Variants in GIGYF2 observed in about 807,000 individuals in gnomAD.
The protein encoded by GIGYF2 is GRB10-interacting GYF protein 2.
In GIGYF2, 25 loss-of-function variants were observed where a neutral mutation model predicts 208.1. The observed-to-expected ratio is 0.12, with a 90% CI of 0.09 to 0.17. The LOEUF (loss-of-function observed/expected upper bound fraction) is 0.17. GIGYF2 is among the 10% of genes least tolerant of loss of function. The pLI, the probability that GIGYF2 is intolerant of heterozygous loss-of-function variation, is 1.00. For synonymous variants in GIGYF2, 534 were observed against 543.8 expected (o/e 0.98, Z 0.25); for missense variants, 1,302 against 1,579.4 (o/e 0.82, Z 2.98).
intron 26 of GIGYF2, among the ~76,000 whole-genome samples, chr2:232,846,830 C>T (rs965827772): frequency 3.9e-5 from 6 of 152,224 alleles, no homozygotes; most frequent in Non-Finnish European, 7.3e-5. Context: ...CAAGGTCACA[C>T]AGCCAGCAAA....
rs780740938 is a variant in GIGYF2, at chr2:232,791,403, G to C, written c.1239G>C (p.Arg413=). 2 of 1,614,028 alleles carry C rather than the reference G, an allele frequency of 1.2e-6. No individual in the cohort carries two copies. The highest frequency in any genetic ancestry group is 2.2e-5 in the South Asian group (2 of 91,078). Residue 413 remains arginine (R), a synonymous_variant, in exon 12 of 29, where the codon CGG becomes CGC. Coordinates refer to ENST00000373563, the MANE Select transcript of GIGYF2 (RefSeq NM_001103146.3). The part of the protein sequence containing the change: ...EQTEKAEEET[R]MENSLPAKVP... ...CGGAAAAAGCTGAAGAGGAGACTCG[G>C]ATGGAAAATAGTCTACCAGCCAAAG...
intron 23 of GIGYF2, among the ~76,000 whole-genome samples, chr2:232,843,619 A>G (rs184882385): frequency 3.0e-4 from 45 of 151,674 alleles, no homozygotes; most frequent in East Asian, 1.4e-3. Context: ...CATGCCTGTA[A>G]TCCCAGCACT....
chr2:232,732,994 C>T (rs987634894), intron 2 of GIGYF2, among the ~76,000 whole-genome samples: 7 of 151,794 alleles, frequency 4.6e-5, no homozygotes, highest in South Asian at 4.2e-4. Flanking sequence ...CAGTGGCTCA[C>T]GCCTGTAATC....
chr2:232,799,965 T>A lies in GIGYF2; in HGVS notation c.1639+3744T>A, dbSNP rs567114078. 5.6e-3 allele frequency among the ~76,000 whole-genome samples: 855 copies of A among 152,176 alleles called. 12 individuals carry two copies. The highest frequency in any genetic ancestry group is 0.02 in the African/African-American group (832 of 41,518). On this transcript the variant is annotated intron_variant, in intron 14 of 28. Coordinates refer to ENST00000373563, the MANE Select transcript of GIGYF2 (RefSeq NM_001103146.3). ...TTCAAGTCCTTTGCCTTTTTTTTTT[T>A]AATTGGGTTGTTAATTTTTTTGTTG...
In GIGYF2 at chr2:232,856,814, C is replaced by G; in HGVS notation, c.3854C>G (p.Ser1285Trp). Residue 1285 changes from serine to tryptophan, a missense_variant, in exon 29 of 29, where the codon TCG becomes TGG. Ser to Trp is a radical substitution (Grantham distance 177, BLOSUM62 -3). Transcript: ENST00000373563. ...SLLGFSVNAS[S>W]ERLNMGEIET... is the part of the protein sequence containing the mutation. ...GCAGGATTTTCAGTCAATGCATCATCGGAGCGACTCAACATGGGTGAAATC... is the reference window on the plus strand; with the variant it reads ...GCAGGATTTTCAGTCAATGCATCATGGGAGCGACTCAACATGGGTGAAATC... 6.2e-7 allele frequency: 1 copy of G among 1,613,232 alleles called. No individual in the cohort carries two copies. The highest frequency in any genetic ancestry group is 8.5e-7 in the Non-Finnish European group (1 of 1,179,166).
rs1253531260 is a variant in GIGYF2, at chr2:232,790,678, T to C, written c.713-20T>C. The C allele has an allele frequency of 1.9e-6, 3 of 1,587,476 alleles. No homozygotes were observed. Among genetic ancestry groups the C allele is most frequent in the Non-Finnish European group, 2.6e-6 (3 of 1,155,774 alleles). On this transcript the variant is annotated intron_variant, in intron 9 of 28. Transcript: ENST00000373563. ...TGTCATAAAACTTTTCTAAGGTTTG[T>C]GTCCTCCTTCTCATCTCAGATGGCC...
intron 2 of GIGYF2, among the ~76,000 whole-genome samples, chr2:232,719,739 A>G (rs537695064): frequency 1.3e-5 from 2 of 152,346 alleles, no homozygotes; most frequent in East Asian, 1.9e-4. Flanking sequence ...GAAGTTGACA[A>G]AAAGTCTAGC....
chr2:232,751,238 T>C (rs974471257), intron 5 of GIGYF2, among the ~76,000 whole-genome samples: 3 of 152,218 alleles, frequency 2.0e-5, no homozygotes, highest in African/African-American at 7.2e-5. Flanking sequence ...TCTTTGAGAC[T>C]GAGTCTTGCT....
intron 14 of GIGYF2, among the ~76,000 whole-genome samples, chr2:232,803,110 C>T (rs543670600): frequency 2.3e-4 from 35 of 152,278 alleles, no homozygotes; most frequent in African/African-American, 6.0e-4. Context: ...AGGCTGGTCT[C>T]GAACTCCTGA....
chr2:232,823,675 T>C (rs780024316), intron 21 of GIGYF2, among the ~76,000 whole-genome samples: 38 of 152,158 alleles, frequency 2.5e-4, no homozygotes, highest in Non-Finnish European at 4.1e-4. Flanking sequence ...CTTGTAATGC[T>C]TTTGTCCCCT....
chr2:232,729,403 G>C (rs1697349895), intron 2 of GIGYF2: 1 of 458,174 alleles, frequency 2.2e-6, no homozygotes, highest in Non-Finnish European at 3.6e-6. Flanking sequence ...GCAGAACACT[G>C]TTCTGAGTAA....
At chr2:232,846,238 C>G (rs1043005459) in intron 26 of GIGYF2, among the ~76,000 whole-genome samples, 1 of 152,294 alleles carries the variant, frequency 6.6e-6, no homozygotes, top group African/African-American at 2.4e-5. Context: ...AAAGGTCAAC[C>G]TGGACAAGTG....
At chr2:232,815,319 G>A (rs1014147052) in intron 18 of GIGYF2, among the ~76,000 whole-genome samples, 1 of 152,084 alleles carries the variant, frequency 6.6e-6, no homozygotes, top group South Asian at 2.1e-4. Context: ...TGTGCCCTTG[G>A]GAGTGTTAGA....
chr2:232,797,116 G>C (rs571978507), intron 14 of GIGYF2, among the ~76,000 whole-genome samples: 36 of 151,130 alleles, frequency 2.4e-4, no homozygotes, highest in African/African-American at 8.8e-4. Context: ...AAAAATGGTA[G>C]AGAACTACTA....
At chr2:232,847,968 G>T (rs1046275245) in intron 27 of GIGYF2, among the ~76,000 whole-genome samples, 1 of 152,186 alleles carries the variant, frequency 6.6e-6, no homozygotes, top group Non-Finnish European at 1.5e-5. Context: ...TCATGTTGTT[G>T]TTGGGGATGT....
At chr2:232,782,485 T>C (rs1574878102) in intron 8 of GIGYF2, among the ~76,000 whole-genome samples, 2 of 152,174 alleles carry the variant, frequency 1.3e-5, no homozygotes, top group African/African-American at 4.8e-5. Flanking sequence ...TTACCAAAAC[T>C]CATGTCCAAG....
intron 6 of GIGYF2, among the ~76,000 whole-genome samples, chr2:232,758,536 C>G (rs1312202233): frequency 6.6e-6 from 1 of 152,132 alleles, no homozygotes; most frequent in East Asian, 1.9e-4. Context: ...CTTCCTTATT[C>G]ATGTATGGGA....
chr2:232,781,287 T>TACACACACACAC (rs3062047), intron 8 of GIGYF2, among the ~76,000 whole-genome samples: 5,779 of 127,002 alleles, frequency 0.046, 156 homozygotes, highest in East Asian at 0.058. Context: ...ATATCAGGAA[T>TACACACACACAC]ACACACACAC....
At chr2:232,841,216 A>G (rs1305493409) in intron 23 of GIGYF2, among the ~76,000 whole-genome samples, 1 of 152,210 alleles carries the variant, frequency 6.6e-6, no homozygotes, top group Non-Finnish European at 1.5e-5. Context: ...ATGAGAAGAT[A>G]ATAATAGTGG....
Sources: allele counts gnomAD v4.1 joint callset (sites outside exome capture counted in the v4.1 genomes callset), GRCh38; gene constraint gnomAD v4.1.1; transcripts MANE v1.5; gene names NCBI Gene and HGNC (gene_info 2026-07-23, HGNC 2026-07-21).